FGFR2: variants seen among roughly 807,000 people sequenced by gnomAD.
FGFR2 encodes the protein fibroblast growth factor receptor 2.
A neutral mutation model predicts 95.9 loss-of-function variants in FGFR2; 19 were observed. That is an observed-to-expected ratio of 0.20 (90% confidence interval 0.14 to 0.29). FGFR2 has a LOEUF of 0.29. Ranked by LOEUF, FGFR2 falls within the 10% of genes least tolerant of loss-of-function variation. FGFR2 has a pLI of 1.00. For synonymous variants in FGFR2, 392 were observed against 393.3 expected (o/e 1.00, Z 0.04); for missense variants, 707 against 1,056.9 (o/e 0.67, Z 4.59).
At chr10:121,535,452 C>T (rs1410192800) in intron 6 of FGFR2, among the ~76,000 whole-genome samples, 2 of 152,190 alleles carry the variant, frequency 1.3e-5, no homozygotes, top group Non-Finnish European at 2.9e-5. Context: ...CGGCATAAGC[C>T]GCTTTTTTTG....
chr10:121,579,299 T>A (rs1860451745), intron 2 of FGFR2, among the ~76,000 whole-genome samples: 1 of 152,196 alleles, frequency 6.6e-6, no homozygotes, highest in African/African-American at 2.4e-5. Context: ...GGGGTCCCCA[T>A]CCTGCAACTC....
At chr10:121,502,937 G>A (rs1462691106) in intron 10 of FGFR2, among the ~76,000 whole-genome samples, 1 of 152,130 alleles carries the variant, frequency 6.6e-6, no homozygotes, top group Non-Finnish European at 1.5e-5. Context: ...TGCCCCACAC[G>A]ATGATCCTGC....
At chr10:121,510,342 A>C (rs1464292029) in intron 9 of FGFR2, among the ~76,000 whole-genome samples, 2 of 152,186 alleles carry the variant, frequency 1.3e-5, no homozygotes, top group African/African-American at 2.4e-5. Flanking sequence ...GCAAACTGTC[A>C]TGTCCTTTGG....
chr10:121,551,174 C>T (rs948262464), intron 5 of FGFR2, 116 bp downstream of exon 5: 13 of 1,195,792 alleles, frequency 1.1e-5, no homozygotes, highest in African/African-American at 6.1e-5. Context: ...GAACCGAGAT[C>T]GCACCACGGC....
intron 2 of FGFR2, among the ~76,000 whole-genome samples, chr10:121,577,178 T>TATAG: frequency 1.5e-3 from 8 of 5,214 alleles, no homozygotes; most frequent in South Asian, 0.014. Flanking sequence ...TATATATATA[T>TATAG]AGAGAGAGAG....
At chr10:121,568,631 G>GA (rs369077717) in intron 2 of FGFR2, among the ~76,000 whole-genome samples, 164 of 144,868 alleles carry the variant, frequency 1.1e-3, no homozygotes, top group Admixed American at 2.1e-3. Flanking sequence ...GGGAAAAAAA[G>GA]AAAAAAAAAA....
chr10:121,508,350 T>C (rs549159918), intron 9 of FGFR2, among the ~76,000 whole-genome samples: 17 of 152,328 alleles, frequency 1.1e-4, no homozygotes, highest in African/African-American at 3.8e-4. Context: ...CAGGGAATCA[T>C]CTCAGGGCAG....
At position 121,598,381 on chromosome 10, in the gene FGFR2, C is replaced by T; in HGVS notation, c.-570G>A. On this transcript the variant is annotated 5_prime_UTR_variant, in exon 1 of 18. Transcript: ENST00000358487. ...CGCGGCGCCCGAGCTTTGTGGCGGCCGCGCGCGCTCCCTCGCCCGCTCCGC... is the reference window on the plus strand; with the variant it reads ...CGCGGCGCCCGAGCTTTGTGGCGGCTGCGCGCGCTCCCTCGCCCGCTCCGC... The T allele has an allele frequency of 6.0e-6, 1 of 165,592 alleles. No homozygotes were observed. The highest frequency in any genetic ancestry group is 1.3e-5 in the Non-Finnish European group (1 of 77,482). The allele number at this position is 165,592 out of a possible 1,614,324, so 10.3% of individuals were successfully genotyped here.
At chr10:121,586,155 G>A (rs71484678) in intron 2 of FGFR2, among the ~76,000 whole-genome samples, 2 of 152,148 alleles carry the variant, frequency 1.3e-5, no homozygotes, top group African/African-American at 4.8e-5. Flanking sequence ...GTATACAAAT[G>A]GGTCACATAT....
chr10:121,493,730 GT>G (rs1469918624), intron 13 of FGFR2, among the ~76,000 whole-genome samples: 2 of 152,128 alleles, frequency 1.3e-5, no homozygotes, highest in African/African-American at 4.8e-5. Context: ...CCTCCCAGCT[GT>G]TAGCCCACCC....
intron 2 of FGFR2, among the ~76,000 whole-genome samples, chr10:121,586,269 T>C (rs1200365077): frequency 6.6e-6 from 1 of 152,232 alleles, no homozygotes; most frequent in Non-Finnish European, 1.5e-5. Context: ...AGGCGCTACA[T>C]AAATCATACA....
chr10:121,541,190 A>G (rs1432824156), intron 5 of FGFR2, among the ~76,000 whole-genome samples: 1 of 152,220 alleles, frequency 6.6e-6, no homozygotes, highest in South Asian at 2.1e-4. Context: ...TCCATCCAGA[A>G]ATCTTGGTAC....
chr10:121,485,809 T>C lies in FGFR2; in HGVS notation c.2058-277A>G, dbSNP rs1006462843. On this transcript the variant is annotated intron_variant, in intron 15 of 17. Coordinates refer to ENST00000358487, the MANE Select transcript of FGFR2 (RefSeq NM_000141.5). The surrounding 1 kb of genome is among the most constrained non-coding windows in gnomAD (Gnocchi z 4.2). ...CTTGTCTTAAATGTGGTGTTAGCAA[T>C]GCAAGGATCTCAGTTTCTCAGTTTC... Among the ~76,000 whole-genome samples the C allele has an allele frequency of 2.0e-5, 3 of 152,208 alleles. No individual in the cohort carries two copies. The highest frequency in any genetic ancestry group is 4.4e-5 in the Non-Finnish European group (3 of 68,034).
chr10:121,596,648 A>G (rs1863464031), intron 1 of FGFR2: 2 of 204,118 alleles, frequency 9.8e-6, no homozygotes, highest in Non-Finnish European at 2.0e-5. Flanking sequence ...AACAAATTGA[A>G]ATCTCAAAAA....
intron 13 of FGFR2, among the ~76,000 whole-genome samples, chr10:121,490,852 G>T (rs1846042064): frequency 6.6e-6 from 1 of 152,144 alleles, no homozygotes; most frequent in East Asian, 1.9e-4. Flanking sequence ...GGGCCTCCCG[G>T]GTAGCCTAAG....
intron 6 of FGFR2, among the ~76,000 whole-genome samples, chr10:121,535,155 G>A (rs1852652877): frequency 6.6e-6 from 1 of 152,150 alleles, no homozygotes; most frequent in Admixed American, 6.5e-5. Flanking sequence ...GCCAAGGACA[G>A]CTACCAGAAG....
chr10:121,538,394 T>A, intron 6 of FGFR2, 198 bp downstream of exon 6: 1 of 857,806 alleles, frequency 1.2e-6, no homozygotes, highest in Non-Finnish European at 2.0e-6. Flanking sequence ...CATGCAAAGC[T>A]CATAAACCCT....
chr10:121,541,153 GC>G (rs932026507), intron 5 of FGFR2, among the ~76,000 whole-genome samples: 37 of 152,106 alleles, frequency 2.4e-4, no homozygotes, highest in African/African-American at 8.9e-4. Flanking sequence ...ACAATGAGAA[GC>G]ACAATTACCA....
chr10:121,492,893 G>GC (rs1846318890), intron 13 of FGFR2, among the ~76,000 whole-genome samples: 1 of 152,022 alleles, frequency 6.6e-6, no homozygotes, highest in African/African-American at 2.4e-5. Context: ...CCCCTCACCC[G>GC]CCCCCCACGT....
Sources: gnomAD v4.1 joint callset for allele counts (sites outside exome capture counted in the v4.1 genomes callset) on GRCh38, gnomAD v4.1.1 for gene constraint, Gnocchi (gnomAD v3.1) non-coding constraint, MANE v1.5 for transcripts, NCBI Gene and HGNC (gene_info 2026-07-23, HGNC 2026-07-21) for gene names.